The following LRRTM4 variants were observed in gnomAD, a reference collection of about 807,000 sequenced individuals.
The protein encoded by LRRTM4 is leucine-rich repeat transmembrane neuronal protein 4.
In LRRTM4, 25 loss-of-function variants were observed where a neutral mutation model predicts 47.6. That is an observed-to-expected ratio of 0.53 (90% CI 0.38 to 0.73). The LOEUF (loss-of-function observed/expected upper bound fraction) is 0.73. LRRTM4 is among the 30% of genes least tolerant of loss of function. The pLI is 0.00. For missense variants in LRRTM4, 638 were observed against 713.4 expected (o/e 0.89, Z 1.20); for synonymous variants, 311 against 269.5 (o/e 1.15, Z -1.51).
chr2:77,287,617 T>G (rs1247128365), intron 3 of LRRTM4, among the ~76,000 whole-genome samples: 1 of 152,132 alleles, frequency 6.6e-6, no homozygotes, highest in Admixed American at 6.6e-5. Flanking sequence ...CTTGTGCCAT[T>G]TCCCTCTATC....
At chr2:77,465,623 G>T (rs77711893) in intron 3 of LRRTM4, among the ~76,000 whole-genome samples, 3,051 of 152,124 alleles carry the variant, frequency 0.02, 96 homozygotes, top group East Asian at 0.12. Context: ...AAAATTTCCG[G>T]GAATTTTATA....
chr2:77,498,133 C>A (rs1678431494), intron 3 of LRRTM4, among the ~76,000 whole-genome samples: 1 of 151,814 alleles, frequency 6.6e-6, no homozygotes, highest in Admixed American at 6.6e-5. Context: ...TTCAGCCTCT[C>A]CATGTCAGTC....
chr2:77,261,215 C>T (rs1319120266), intron 3 of LRRTM4, among the ~76,000 whole-genome samples: 1 of 151,912 alleles, frequency 6.6e-6, no homozygotes, highest in African/African-American at 2.4e-5. Context: ...TAAGCCAAAG[C>T]GTAGTGCAGA....
intron 3 of LRRTM4, among the ~76,000 whole-genome samples, chr2:77,336,317 G>C (rs1237179836): frequency 6.6e-6 from 1 of 151,660 alleles, no homozygotes; most frequent in Non-Finnish European, 1.5e-5. Flanking sequence ...AAGAAGGAAG[G>C]AAGGAAGAAA....
intron 3 of LRRTM4, among the ~76,000 whole-genome samples, chr2:76,955,448 A>G (rs1558760573): frequency 6.6e-6 from 1 of 151,874 alleles, no homozygotes. Flanking sequence ...ATAAGAAAAT[A>G]TAGACATAAG....
chr2:76,786,984 A>G (rs17404976), intron 3 of LRRTM4, among the ~76,000 whole-genome samples: 60,550 of 151,554 alleles, frequency 0.4, 13,396 homozygotes, highest in Non-Finnish European at 0.51. Context: ...TTTTTTTTCA[A>G]TTTCCAGCAA....
intron 3 of LRRTM4, among the ~76,000 whole-genome samples, chr2:77,053,901 A>G (rs180858392): frequency 2.6e-5 from 4 of 152,320 alleles, no homozygotes; most frequent in South Asian, 4.1e-4. Flanking sequence ...AGAATCTTCA[A>G]ATAACCTGTG....
chr2:76,979,956 A>G (rs553650967), intron 3 of LRRTM4, among the ~76,000 whole-genome samples: 1 of 152,114 alleles, frequency 6.6e-6, no homozygotes, highest in East Asian at 1.9e-4. Flanking sequence ...CAAATGGTTA[A>G]CTTCAGAGCC....
At chr2:76,994,037 A>G in intron 3 of LRRTM4, among the ~76,000 whole-genome samples, 1 of 151,968 alleles carries the variant, frequency 6.6e-6, no homozygotes, top group Non-Finnish European at 1.5e-5. Context: ...GTTATCACTT[A>G]TAAGTGGCAG....
intron 3 of LRRTM4, among the ~76,000 whole-genome samples, chr2:77,110,425 A>G (rs1197887971): frequency 6.6e-6 from 1 of 152,178 alleles, no homozygotes; most frequent in Non-Finnish European, 1.5e-5. Flanking sequence ...TAGGGAGAAT[A>G]AAATTGAATC....
chr2:77,333,572 CTG>C (rs1363450828), intron 3 of LRRTM4, among the ~76,000 whole-genome samples: 1 of 152,174 alleles, frequency 6.6e-6, no homozygotes, highest in Non-Finnish European at 1.5e-5. Flanking sequence ...TGGTTTGAGA[CTG>C]TGGGTGCAGA....
intron 3 of LRRTM4, among the ~76,000 whole-genome samples, chr2:77,055,995 A>T (rs1484980742): frequency 1.4e-5 from 2 of 141,234 alleles, no homozygotes; most frequent in Non-Finnish European, 3.0e-5. Context: ...AACAATGAGA[A>T]CACACGGACA....
At chr2:77,291,485 CTTAT>C (rs1399569220) in intron 3 of LRRTM4, among the ~76,000 whole-genome samples, 2 of 152,000 alleles carry the variant, frequency 1.3e-5, no homozygotes, top group African/African-American at 4.8e-5. Context: ...ATAGGTCTGT[CTTAT>C]TTAAGTTGAT....
intron 3 of LRRTM4, among the ~76,000 whole-genome samples, chr2:77,212,938 C>CCACTGAT (rs1267109297): frequency 6.6e-6 from 1 of 151,814 alleles, no homozygotes; most frequent in Non-Finnish European, 1.5e-5. Flanking sequence ...TTCTTTGTAC[C>CCACTGAT]CACTGATCAC....
chr2:77,207,331 TC>T (rs1299762544), intron 3 of LRRTM4, among the ~76,000 whole-genome samples: 1 of 130,098 alleles, frequency 7.7e-6, no homozygotes, highest in East Asian at 2.3e-4. Context: ...TTTATGTTTT[TC>T]CTAATTTCAT....
At chr2:77,187,156 G>A (rs1673530777) in intron 3 of LRRTM4, among the ~76,000 whole-genome samples, 1 of 152,110 alleles carries the variant, frequency 6.6e-6, no homozygotes, top group African/African-American at 2.4e-5. Context: ...GAAGTCTGTA[G>A]CCAATGTCTG....
intron 3 of LRRTM4, among the ~76,000 whole-genome samples, chr2:77,505,643 C>A (rs989650479): frequency 6.6e-6 from 1 of 151,248 alleles, no homozygotes; most frequent in African/African-American, 2.4e-5. Flanking sequence ...TTGTGTTTTG[C>A]AAAATTATTT....
intron 3 of LRRTM4, among the ~76,000 whole-genome samples, chr2:76,953,956 A>G (rs937661730): frequency 6.6e-6 from 1 of 151,834 alleles, no homozygotes; most frequent in African/African-American, 2.4e-5. Context: ...AAGAGACTAC[A>G]ACCTCCTGAG....
At chr2:76,797,761 A>C (rs892923747) in intron 3 of LRRTM4, among the ~76,000 whole-genome samples, 1 of 150,804 alleles carries the variant, frequency 6.6e-6, no homozygotes, top group Non-Finnish European at 1.5e-5. Context: ...AAATAAAAGG[A>C]TGGGGGAAGA....
Sources: allele counts gnomAD v4.1 joint callset (sites outside exome capture counted in the v4.1 genomes callset), GRCh38; gene constraint gnomAD v4.1.1; transcripts MANE v1.5; gene names NCBI Gene and HGNC (gene_info 2026-07-23, HGNC 2026-07-21).